ADGB: variants seen among roughly 807,000 people sequenced by gnomAD.
The protein encoded by ADGB is calpain-7-like protein.
Under a neutral mutation model 210.5 loss-of-function variants are expected in ADGB, and 172 were observed. That is an observed-to-expected ratio of 0.82 (90% CI 0.72 to 0.93). The LOEUF (loss-of-function observed/expected upper bound fraction) is 0.93. Ranked by LOEUF, ADGB falls within the 40% of genes least tolerant of loss-of-function variation. ADGB has a pLI of 0.00. For synonymous variants in ADGB, 658 were observed against 662.7 expected (o/e 0.99, Z 0.11); for missense variants, 2,025 against 1,964.8 (o/e 1.03, Z -0.58).
At position 146,711,389 on chromosome 6, in the gene ADGB, C is replaced by T. The variant is rs376097982; in HGVS notation, c.1708-3993C>T. On this transcript the variant is annotated intron_variant, in intron 13 of 35. Transcript: ENST00000397944. ...TTTTTTTTAAACCACCCCATGCACT[C>T]CTTTGCTGTCTTGCTTCAGTGCAAA... Among the ~76,000 whole-genome samples the T allele has an allele frequency of 5.9e-5, 9 of 152,090 alleles. No individual in the cohort carries two copies. The South Asian group carries it at 1.9e-3, about 32-fold the overall frequency.
chr6:146,668,248 C>T (rs2010020648), intron 7 of ADGB, among the ~76,000 whole-genome samples: 1 of 152,078 alleles, frequency 6.6e-6, no homozygotes, highest in South Asian at 2.1e-4. Flanking sequence ...ATTAAATCTA[C>T]AGTACAGTTA....
intron 23 of ADGB, among the ~76,000 whole-genome samples, chr6:146,739,095 AG>A (rs1777124823): frequency 6.6e-6 from 1 of 152,164 alleles, no homozygotes; most frequent in Non-Finnish European, 1.5e-5. Context: ...AGAATGTTTA[AG>A]GGGAACAGTG....
At chr6:146,697,540 A>G (rs539587881) in intron 12 of ADGB, among the ~76,000 whole-genome samples, 15 of 152,304 alleles carry the variant, frequency 9.8e-5, no homozygotes, top group Non-Finnish European at 1.3e-4. Context: ...TTAAGAACAC[A>G]TTAGATACAG....
At chr6:146,664,541 C>T (rs1317969552) in intron 6 of ADGB, 4 of 468,892 alleles carry the variant, frequency 8.5e-6, no homozygotes, top group Non-Finnish European at 1.4e-5. Flanking sequence ...CAAAATTCCT[C>T]CAAGAAAAAT....
rs567131515 is a variant in ADGB, at chr6:146,788,383, T to C, written c.4316-6T>C. Reference sequence around the variant, plus strand: ...CTTTTTCAGTAATGCACATGTCATGTTGTAGTAGAAACAGCTGCACGTGGC... The same window carrying C: ...CTTTTTCAGTAATGCACATGTCATGCTGTAGTAGAAACAGCTGCACGTGGC... On this transcript the variant is annotated splice_polypyrimidine_tract_variant and splice_region_variant and intron_variant, in intron 32 of 35. Transcript: ENST00000397944. 2.0e-5 allele frequency: 31 copies of C among 1,550,826 alleles called. No individual in the cohort carries two copies. The South Asian group carries it at 2.4e-4, about 12-fold the overall frequency.
At chr6:146,605,949 A>G (rs1184367862) in intron 1 of ADGB, among the ~76,000 whole-genome samples, 1 of 152,050 alleles carries the variant, frequency 6.6e-6, no homozygotes, top group Non-Finnish European at 1.5e-5. Flanking sequence ...CAGGAAAGGG[A>G]TTTCTGGGTC....
chr6:146,668,611 T>C (rs1224421060), intron 7 of ADGB, among the ~76,000 whole-genome samples: 1 of 152,078 alleles, frequency 6.6e-6, no homozygotes, highest in Non-Finnish European at 1.5e-5. Context: ...AGTATGGAGC[T>C]CTATAAATTT....
At chr6:146,654,312 T>A in intron 4 of ADGB, 106 bp downstream of exon 4, 1 of 548,074 alleles carries the variant, frequency 1.8e-6, no homozygotes, top group Non-Finnish European at 2.9e-6. Flanking sequence ...CACCTTTAAG[T>A]TTTGGTATTA....
chr6:146,599,574 G>C (rs1032975229), intron 1 of ADGB, among the ~76,000 whole-genome samples: 1 of 152,170 alleles, frequency 6.6e-6, no homozygotes, highest in Non-Finnish European at 1.5e-5. Context: ...CAACGACTAC[G>C]ATCTTTAATC....
intron 26 of ADGB, among the ~76,000 whole-genome samples, chr6:146,751,933 T>C (rs1034969750): frequency 1.9e-4 from 29 of 152,170 alleles, no homozygotes; most frequent in African/African-American, 1.4e-4. Flanking sequence ...ATTGGGATCC[T>C]TTGCCAAAGT....
intron 4 of ADGB, among the ~76,000 whole-genome samples, chr6:146,655,516 T>C (rs1452772053): frequency 1.5e-4 from 23 of 152,190 alleles, no homozygotes; most frequent in Admixed American, 1.4e-3. Flanking sequence ...ACAAGAACTT[T>C]TAAAAATTAT....
At chr6:146,788,756 G>A (rs2114651541) in intron 33 of ADGB, 146 bp downstream of exon 33, 1 of 859,482 alleles carries the variant, frequency 1.2e-6, no homozygotes. Context: ...TTTACTTAAT[G>A]GAGTTGGGAA....
chr6:146,655,775 A>G (rs565210474), intron 4 of ADGB, among the ~76,000 whole-genome samples: 8 of 152,144 alleles, frequency 5.3e-5, no homozygotes, highest in Non-Finnish European at 1.2e-4. Context: ...AATATTCTAC[A>G]ATAAATTTTC....
intron 1 of ADGB, 116 bp downstream of exon 1, chr6:146,599,230 T>C: frequency 1.1e-6 from 1 of 878,580 alleles, no homozygotes; most frequent in Non-Finnish European, 1.9e-6. Context: ...AGTGGCCTCC[T>C]CGCAGCTTGT....
intron 12 of ADGB, among the ~76,000 whole-genome samples, chr6:146,696,661 C>T (rs1412964106): frequency 6.6e-6 from 1 of 152,112 alleles, no homozygotes; most frequent in Non-Finnish European, 1.5e-5. Flanking sequence ...TCACTTTTCT[C>T]TTTCACATTG....
At chr6:146,715,954 G>T (rs937823535) in intron 14 of ADGB, among the ~76,000 whole-genome samples, 1 of 151,142 alleles carries the variant, frequency 6.6e-6, no homozygotes, top group Non-Finnish European at 1.5e-5. Flanking sequence ...TGTAATCCCA[G>T]CTACTTGGGA....
rs918362187 is a variant in ADGB, at chr6:146,755,907, T to G, written c.3550+3193T>G. On this transcript the variant is annotated intron_variant, in intron 27 of 35. Coordinates refer to ENST00000397944, the MANE Select transcript of ADGB (RefSeq NM_024694.4). The stretch of plus-strand genomic sequence containing the variant: ...TAGAAATAACTGTTATTTTTCTATA[T>G]GTAAAAATCTTTATATCCCTTTTCT... Among the ~76,000 whole-genome samples the G allele has an allele frequency of 2.6e-5, 4 of 152,154 alleles. No homozygotes were observed. The South Asian group carries it at 8.3e-4, about 31-fold the overall frequency.
At chr6:146,733,097 TAA>T (rs773536434) in intron 20 of ADGB, 21 bp from the exon 21 acceptor site, 3 of 1,425,504 alleles carry the variant, frequency 2.1e-6, no homozygotes, top group Non-Finnish European at 2.8e-6. Context: ...TTTCTTGCTA[TAA>T]AAAAAATTTA....
At chr6:146,620,193 T>C (rs2114841047) in intron 1 of ADGB, among the ~76,000 whole-genome samples, 1 of 152,278 alleles carries the variant, frequency 6.6e-6, no homozygotes, top group Middle Eastern at 3.4e-3. Flanking sequence ...CTCTTGCTGC[T>C]TTGATGATTC....
Sources: gnomAD v4.1 joint callset for allele counts (sites outside exome capture counted in the v4.1 genomes callset) on GRCh38, gnomAD v4.1.1 for gene constraint, MANE v1.5 for transcripts, NCBI Gene and HGNC (gene_info 2026-07-23, HGNC 2026-07-21) for gene names.